SOX6: variants seen among roughly 807,000 people sequenced by gnomAD.
SOX6 encodes the protein transcription factor SOX-6.
Under a neutral mutation model 97.8 loss-of-function variants are expected in SOX6, and 11 were observed. The observed-to-expected ratio is 0.11, with a 90% CI of 0.07 to 0.19. The LOEUF is 0.19. SOX6 is among the 10% of genes least tolerant of loss of function. The pLI, the probability that SOX6 is intolerant of heterozygous loss-of-function variation, is 1.00. For synonymous variants in SOX6, 360 were observed against 371.4 expected, an observed-to-expected ratio of 0.97 and a Z score of 0.35; for missense variants, 810 against 1,039.5, an observed-to-expected ratio of 0.78 and a Z score of 3.04.
chr11:16,458,906 T>C (rs1859864815), intron 1 of SOX6, among the ~76,000 whole-genome samples: 1 of 152,016 alleles, frequency 6.6e-6, no homozygotes, highest in African/African-American at 2.4e-5. Flanking sequence ...GTTAAGAAGA[T>C]GGAGCTTGTA....
At chr11:16,154,088 C>G (rs1589979330) in intron 6 of SOX6, among the ~76,000 whole-genome samples, 1 of 152,050 alleles carries the variant, frequency 6.6e-6, no homozygotes, top group African/African-American at 2.4e-5. Context: ...TGGCTGGATA[C>G]CACCAAAAGC....
chr11:16,671,793 C>A (rs1847849405), intron 3 of SOX6, among the ~76,000 whole-genome samples: 1 of 152,212 alleles, frequency 6.6e-6, no homozygotes, highest in African/African-American at 2.4e-5. Flanking sequence ...GTAGGAAATA[C>A]AGAGAACTCC....
intron 9 of SOX6, among the ~76,000 whole-genome samples, chr11:16,095,322 T>C (rs746477270): frequency 5.9e-5 from 9 of 151,746 alleles, no homozygotes; most frequent in Non-Finnish European, 1.3e-4. Flanking sequence ...AGAAAAGGTC[T>C]TGGTTTTCAT....
chr11:16,589,406 T>A (rs1451810523), intron 4 of SOX6, among the ~76,000 whole-genome samples: 5 of 152,146 alleles, frequency 3.3e-5, no homozygotes, highest in African/African-American at 1.2e-4. Context: ...GTATCCTGGG[T>A]AAAGAAAAGA....
At position 16,287,257 on chromosome 11, in the gene SOX6, GTCTCTCTC is replaced by G. The variant is rs56921161; in HGVS notation, c.445+31181_445+31188del. Among the ~76,000 whole-genome samples the G allele has an allele frequency of 2.7e-3, 322 of 120,572 alleles. 1 individual carries two copies. The highest frequency in any genetic ancestry group is 7.9e-3 in the African/African-American group (240 of 30,548). 79.1% of individuals were successfully genotyped at this position (120,572 alleles called of 152,430 possible). On this transcript the variant is annotated intron_variant, in intron 3 of 15. Coordinates refer to ENST00000683767, the MANE Select transcript of SOX6 (RefSeq NM_001367873.1). ...TCTCCTTTTAATCTCTCTTCTCTCT[GTCTCTCTC>G]TCTCTCTCTCTCTCTCTCTCTCTCT...
intron 1 of SOX6, chr11:16,402,936 C>T (rs1590189384): frequency 8.9e-7 from 1 of 1,120,804 alleles, no homozygotes; most frequent in African/African-American, 1.6e-5. Context: ...AAAACAAAAC[C>T]AATTTTTACA....
chr11:16,629,076 G>T (rs1047427879), intron 3 of SOX6, among the ~76,000 whole-genome samples: 1 of 152,128 alleles, frequency 6.6e-6, no homozygotes, highest in Non-Finnish European at 1.5e-5. Context: ...CTATTTGGTT[G>T]ACTTTCATTT....
intron 6 of SOX6, among the ~76,000 whole-genome samples, chr11:16,176,086 T>C (rs1589998398): frequency 6.6e-6 from 1 of 150,872 alleles, no homozygotes; most frequent in African/African-American, 2.4e-5. Context: ...GATGGATGGA[T>C]GGATGGATGG....
chr11:16,358,955 T>C (rs1445370828), upstream of SOX6, among the ~76,000 whole-genome samples: 1 of 152,152 alleles, frequency 6.6e-6, no homozygotes, highest in Non-Finnish European at 1.5e-5. Flanking sequence ...TCAAGTACCA[T>C]ACTGACTGCC....
At chr11:16,658,945 C>A (rs1481442668) in intron 3 of SOX6, among the ~76,000 whole-genome samples, 1 of 152,170 alleles carries the variant, frequency 6.6e-6, no homozygotes, top group African/African-American at 2.4e-5. Context: ...TTCAGATACA[C>A]ATCTTTATCA....
chr11:16,150,740 AT>A (rs1474725803), intron 6 of SOX6, among the ~76,000 whole-genome samples: 6 of 152,228 alleles, frequency 3.9e-5, no homozygotes, highest in South Asian at 4.1e-4. Flanking sequence ...CTATTAAGCC[AT>A]TTTTTTGCAT....
At chr11:16,637,360 A>G (rs1848806187) in intron 3 of SOX6, among the ~76,000 whole-genome samples, 1 of 152,108 alleles carries the variant, frequency 6.6e-6, no homozygotes, top group Admixed American at 6.5e-5. Flanking sequence ...ACCTGGGACT[A>G]CAGGCGTGCA....
intron 12 of SOX6, among the ~76,000 whole-genome samples, chr11:16,032,214 G>A (rs962270099): frequency 1.3e-4 from 20 of 152,150 alleles, no homozygotes; most frequent in Admixed American, 1.0e-3. Context: ...AATGGTAACA[G>A]TGTGGTGCAG....
chr11:15,989,933 A>G (rs1187726251), intron 13 of SOX6, among the ~76,000 whole-genome samples: 1 of 152,188 alleles, frequency 6.6e-6, no homozygotes, highest in Non-Finnish European at 1.5e-5. Context: ...AAAAAGCACC[A>G]GATAGAATGG....
chr11:16,191,781 C>T (rs962782475), intron 4 of SOX6, among the ~76,000 whole-genome samples: 10 of 152,164 alleles, frequency 6.6e-5, no homozygotes, highest in South Asian at 2.1e-4. Flanking sequence ...ACACAGTGTG[C>T]GCCTGACACT....
At chr11:16,414,048 C>T (rs1209765052) in intron 1 of SOX6, among the ~76,000 whole-genome samples, 1 of 152,182 alleles carries the variant, frequency 6.6e-6, no homozygotes, top group East Asian at 1.9e-4. Context: ...TTCATTCACA[C>T]ATTCATTTTA....
chr11:16,204,297 T>C (rs1480917107), intron 4 of SOX6, among the ~76,000 whole-genome samples: 1 of 152,104 alleles, frequency 6.6e-6, no homozygotes, highest in Admixed American at 6.6e-5. Context: ...AATTTTCGTA[T>C]CTCTAAATTT....
chr11:16,497,841 T>G (rs1004541121), intron 4 of SOX6, among the ~76,000 whole-genome samples: 2 of 152,206 alleles, frequency 1.3e-5, no homozygotes, highest in Non-Finnish European at 2.9e-5. Flanking sequence ...CTACGTCTGA[T>G]TCGTGTACCT....
intron 13 of SOX6, among the ~76,000 whole-genome samples, chr11:16,007,490 G>C (rs1163949098): frequency 6.6e-6 from 1 of 152,024 alleles, no homozygotes; most frequent in Non-Finnish European, 1.5e-5. Context: ...GACTGGGTGG[G>C]TACTGACTCT....
Sources: allele counts gnomAD v4.1 joint callset (sites outside exome capture counted in the v4.1 genomes callset), GRCh38; gene constraint gnomAD v4.1.1; transcripts MANE v1.5; gene names NCBI Gene and HGNC (gene_info 2026-07-23, HGNC 2026-07-21).